The following EPHA6 variants were observed in gnomAD, a reference collection of about 807,000 sequenced individuals.
EPHA6 encodes EPH receptor A6.
EPHA6 carries 50 observed loss-of-function variants against 112.0 expected under a neutral mutation model. That is an observed-to-expected ratio of 0.45 (90% CI 0.36 to 0.56). EPHA6 has a LOEUF of 0.56. Ranked by LOEUF, EPHA6 falls within the 20% of genes least tolerant of loss-of-function variation. The pLI, the probability that EPHA6 is intolerant of heterozygous loss-of-function variation, is 0.00. For missense variants in EPHA6, 1,280 were observed against 1,417.4 expected (o/e 0.90, Z 1.56); for synonymous variants, 529 against 490.7 (o/e 1.08, Z -1.03).
intron 3 of EPHA6, among the ~76,000 whole-genome samples, chr3:97,015,025 CAAGT>C (rs1460463763): frequency 2.0e-5 from 3 of 152,116 alleles, no homozygotes; most frequent in East Asian, 3.9e-4. Flanking sequence ...CCTCCACCAA[CAAGT>C]AAATTAAACT....
intron 6 of EPHA6, among the ~76,000 whole-genome samples, chr3:97,431,831 T>C (rs568634258): frequency 2.6e-4 from 40 of 151,950 alleles, no homozygotes; most frequent in Non-Finnish European, 2.2e-4. Context: ...GAATGAAGGG[T>C]TTTATTGCTG....
chr3:97,055,378 A>G (rs919578959), intron 3 of EPHA6, among the ~76,000 whole-genome samples: 1 of 152,156 alleles, frequency 6.6e-6, no homozygotes, highest in East Asian at 1.9e-4. Flanking sequence ...CCCCTCATCC[A>G]TAGGGGGAAC....
intron 5 of EPHA6, among the ~76,000 whole-genome samples, chr3:97,288,938 T>TC (rs1223350787): frequency 6.6e-6 from 1 of 150,998 alleles, no homozygotes; most frequent in Non-Finnish European, 1.5e-5. Context: ...TTTTTTTTTT[T>TC]TTTTTGCTTG....
At chr3:97,371,712 A>G (rs1234984079) in intron 5 of EPHA6, among the ~76,000 whole-genome samples, 1 of 152,156 alleles carries the variant, frequency 6.6e-6, no homozygotes, top group African/African-American at 2.4e-5. Flanking sequence ...ACAGAGCCAT[A>G]TTTCTCTCCT....
chr3:97,505,767 G>A (rs1234410332), intron 10 of EPHA6, among the ~76,000 whole-genome samples: 1 of 152,128 alleles, frequency 6.6e-6, no homozygotes, highest in Admixed American at 6.5e-5. Flanking sequence ...TCACCACACT[G>A]TCTTCCACAA....
intron 3 of EPHA6, among the ~76,000 whole-genome samples, chr3:97,158,078 T>C (rs1051622939): frequency 2.6e-5 from 4 of 152,178 alleles, no homozygotes; most frequent in Admixed American, 2.6e-4. Flanking sequence ...AGTTATCCTG[T>C]GTACAACCAA....
chr3:97,563,209 T>G (rs1301060909), intron 11 of EPHA6, among the ~76,000 whole-genome samples: 1 of 152,150 alleles, frequency 6.6e-6, no homozygotes, highest in Admixed American at 6.6e-5. Flanking sequence ...AAAGTTATGT[T>G]GAAGGTGAGG....
At chr3:97,648,524 C>T in intron 14 of EPHA6, 1 of 1,277,316 alleles carries the variant, frequency 7.8e-7, no homozygotes, top group Non-Finnish European at 9.9e-7. Context: ...ATTTTTAAGC[C>T]TTGAACATGT....
intron 2 of EPHA6, among the ~76,000 whole-genome samples, chr3:96,953,252 T>C (rs1222440023): frequency 6.6e-6 from 1 of 152,274 alleles, no homozygotes; most frequent in East Asian, 1.9e-4. Flanking sequence ...GAAAAATGTA[T>C]ATTTCTAATT....
chr3:96,854,444 T>C (rs1282419205), intron 1 of EPHA6, among the ~76,000 whole-genome samples: 3 of 151,980 alleles, frequency 2.0e-5, no homozygotes, highest in Non-Finnish European at 4.4e-5. Context: ...GCCTGAAATC[T>C]AAATTAGATT....
At chr3:97,095,195 G>A (rs1442714661) in intron 3 of EPHA6, among the ~76,000 whole-genome samples, 1 of 151,856 alleles carries the variant, frequency 6.6e-6, no homozygotes, top group African/African-American at 2.4e-5. Flanking sequence ...ACTTTTTAAT[G>A]ATCGCCATTC....
At chr3:97,559,884 A>C (rs1476993863) in intron 11 of EPHA6, among the ~76,000 whole-genome samples, 1 of 152,146 alleles carries the variant, frequency 6.6e-6, no homozygotes, top group African/African-American at 2.4e-5. Context: ...GCCACAAAAG[A>C]GAAGTAACAA....
rs757563165 is a variant in EPHA6 at position 97,405,295 on chromosome 3, C to T, written c.1731+21C>T. ...AGAAAGTAGGTCTTATTTGGAGCTT[C>T]CTATAAAACTACATATATATGCATA... On this transcript the variant is annotated intron_variant, in intron 6 of 17. Coordinates refer to ENST00000389672, the MANE Select transcript of EPHA6 (RefSeq NM_001080448.3). The T allele has an allele frequency of 8.7e-6, 14 of 1,600,064 alleles. No individual in the cohort carries two copies. The African/African-American group carries it at 1.6e-4, about 18-fold the overall frequency.
At chr3:97,136,340 A>G (rs534574685) in intron 3 of EPHA6, among the ~76,000 whole-genome samples, 3 of 152,358 alleles carry the variant, frequency 2.0e-5, no homozygotes, top group South Asian at 4.1e-4. Flanking sequence ...GACTATCACA[A>G]TAAGACAGTA....
chr3:96,906,925 G>A (rs542587197), intron 2 of EPHA6, among the ~76,000 whole-genome samples: 1 of 151,852 alleles, frequency 6.6e-6, no homozygotes, highest in African/African-American at 2.4e-5. Context: ...CACTAATTTC[G>A]AGATAAATGA....
At chr3:96,948,007 G>A (rs932696069) in intron 2 of EPHA6, among the ~76,000 whole-genome samples, 1 of 152,076 alleles carries the variant, frequency 6.6e-6, no homozygotes, top group African/African-American at 2.4e-5. Context: ...TACACTACAG[G>A]GCTACGATAG....
intron 14 of EPHA6, among the ~76,000 whole-genome samples, chr3:97,667,695 C>A (rs1230039263): frequency 6.6e-6 from 1 of 152,096 alleles, no homozygotes; most frequent in Non-Finnish European, 1.5e-5. Flanking sequence ...ACAACATGGG[C>A]AAACTCTTAA....
rs2034236961 is a variant in EPHA6 at position 96,833,825 on chromosome 3, TAA to T, written c.385+18818_385+18819del. Among the ~76,000 whole-genome samples, 3 of 151,978 alleles carry T rather than the reference TAA, an allele frequency of 2.0e-5. No homozygotes were observed. The South Asian group carries it at 6.2e-4, about 31-fold the overall frequency. On this transcript the variant is annotated intron_variant, in intron 1 of 17. Transcript: ENST00000389672. ...CTGTTAGTTATTTTAAAATATGCAA[TAA>T]GTTATTGTTAACTGTAGTCATCCTA...
At chr3:97,467,992 A>G (rs1380111973) in intron 7 of EPHA6, among the ~76,000 whole-genome samples, 1 of 151,732 alleles carries the variant, frequency 6.6e-6, no homozygotes, top group Admixed American at 6.6e-5. Context: ...TGGCATTTTT[A>G]CCTGACAAGT....
Sources: gnomAD v4.1 joint callset for allele counts (sites outside exome capture counted in the v4.1 genomes callset) on GRCh38, gnomAD v4.1.1 for gene constraint, MANE v1.5 for transcripts, NCBI Gene and HGNC (gene_info 2026-07-23, HGNC 2026-07-21) for gene names.